Variants in FILIP1 observed in about 807,000 individuals in gnomAD.
The protein encoded by FILIP1 is filamin-A-interacting protein 1.
Under a neutral mutation model 102.1 loss-of-function variants are expected in FILIP1, and 61 were observed. The ratio of observed to expected loss-of-function variants is 0.60; its 90% CI spans 0.49 to 0.74. The LOEUF (loss-of-function observed/expected upper bound fraction) is 0.74. Ranked by LOEUF, FILIP1 falls within the 30% of genes least tolerant of loss-of-function variation. FILIP1 has a pLI of 0.00. For missense variants in FILIP1, 1,314 were observed against 1,441.2 expected, an observed-to-expected ratio of 0.91 and a Z score of 1.43; for synonymous variants, 491 against 526.9, an observed-to-expected ratio of 0.93 and a Z score of 0.93.
At chr6:75,451,286 ATGAT>A (rs1778624346) in intron 1 of FILIP1, among the ~76,000 whole-genome samples, 1 of 148,948 alleles carries the variant, frequency 6.7e-6, no homozygotes, top group African/African-American at 2.4e-5. Context: ...ATTTGAATTA[ATGAT>A]TAATACATAT....
At chr6:75,456,876 C>T (rs771475640) in intron 1 of FILIP1, among the ~76,000 whole-genome samples, 6 of 152,016 alleles carry the variant, frequency 3.9e-5, no homozygotes, top group Non-Finnish European at 8.8e-5. Flanking sequence ...TTTCTTTATC[C>T]AATATTTTCT....
intron 4 of FILIP1, among the ~76,000 whole-genome samples, chr6:75,321,397 G>T (rs1451477838): frequency 6.6e-6 from 1 of 152,164 alleles, no homozygotes; most frequent in East Asian, 1.9e-4. Flanking sequence ...CGATCATTTT[G>T]TCAGCCATCC....
At chr6:75,389,656 G>A (rs1398633914) in intron 2 of FILIP1, among the ~76,000 whole-genome samples, 1 of 152,088 alleles carries the variant, frequency 6.6e-6, no homozygotes, top group East Asian at 1.9e-4. Context: ...TAGTTTATTT[G>A]CATAGAAACA....
rs1775316020 is a variant in FILIP1, at chr6:75,365,989, A to G, written c.277-3072T>C. On this transcript the variant is annotated intron_variant, in intron 2 of 5. Transcript: ENST00000237172. ...GAAGGGTATAAAACAAAAATTGCTCAAGGATTATTCTATGACCTCTTTTTG... is the reference window on the plus strand; with the variant it reads ...GAAGGGTATAAAACAAAAATTGCTCGAGGATTATTCTATGACCTCTTTTTG... 4 of 152,340 alleles carry G rather than the reference A, an allele frequency of 2.6e-5. No individual in the cohort carries two copies. The South Asian group carries it at 8.3e-4, about 32-fold the overall frequency. 9.4% of individuals were successfully genotyped at this position (152,340 alleles called of 1,614,324 possible).
intron 1 of FILIP1, among the ~76,000 whole-genome samples, chr6:75,454,185 G>T (rs995212094): frequency 1.6e-4 from 24 of 152,150 alleles, no homozygotes; most frequent in Admixed American, 4.6e-4. Flanking sequence ...GCAGGATTAT[G>T]GTCCTTACAG....
rs148672434 is a variant in FILIP1, at chr6:75,302,531, A to G, written c.3493+6309T>C. Among the ~76,000 whole-genome samples the G allele has an allele frequency of 3.8e-4, 58 of 152,314 alleles. No individual in the cohort carries two copies. In the East Asian group the frequency reaches 6.9e-3, roughly 18 times the overall value. On this transcript the variant is annotated intron_variant, in intron 6 of 6. Coordinates refer to the FILIP1 transcript ENST00000393004. ...TCCTAGAAGAGGCAATGTTCATAAA[A>G]TAGACTTTGATCAGAGAAGGACACA...
intron 2 of FILIP1, among the ~76,000 whole-genome samples, chr6:75,372,607 GAAAGAAAGAAAGAA>G (rs1411692640): frequency 6.0e-4 from 59 of 98,862 alleles, no homozygotes; most frequent in Non-Finnish European, 8.9e-4. Context: ...ATCAAGAAAA[GAAAGAAAGAAAGAA>G]AAAGAAAGAA....
intron 6 of FILIP1, among the ~76,000 whole-genome samples, chr6:75,302,473 C>A (rs1480472479): frequency 3.9e-5 from 6 of 152,118 alleles, no homozygotes; most frequent in African/African-American, 1.2e-4. Flanking sequence ...GGCCTTTAAA[C>A]CCCAGGGTAG....
At chr6:75,435,881 T>C (rs1033385953) in intron 1 of FILIP1, among the ~76,000 whole-genome samples, 3 of 152,174 alleles carry the variant, frequency 2.0e-5, no homozygotes, top group Non-Finnish European at 2.9e-5. Flanking sequence ...GCTTATTTAA[T>C]CTGCTTGAGG....
In FILIP1 at chr6:75,493,800, T is replaced by C. The variant is rs1308161308; in HGVS notation, c.-393A>G. On this transcript the variant is annotated 5_prime_UTR_variant, in exon 1 of 6. Transcript: ENST00000237172. ...AACACTGTCAGAGCAATGGCTATGTTGAGGAGCTGAGCTCGCGGGTGCTAT... is the reference window on the plus strand; with the variant it reads ...AACACTGTCAGAGCAATGGCTATGTCGAGGAGCTGAGCTCGCGGGTGCTAT... The C allele has an allele frequency of 6.6e-6, 1 of 152,250 alleles. No homozygotes were observed. Among genetic ancestry groups the C allele is most frequent in the African/African-American group, 2.4e-5 (1 of 41,466 alleles). The allele number at this position is 152,250 out of a possible 1,614,324, so 9.4% of individuals were successfully genotyped here.
intron 4 of FILIP1, among the ~76,000 whole-genome samples, chr6:75,348,082 CACACAT>C (rs982820500): frequency 4.6e-4 from 70 of 151,832 alleles, no homozygotes; most frequent in African/African-American, 1.5e-3. Context: ...CACACACACA[CACACAT>C]ACACACACTT....
downstream of FILIP1, among the ~76,000 whole-genome samples, chr6:75,303,550 T>G (rs1772900729): frequency 2.0e-5 from 3 of 152,188 alleles, no homozygotes; most frequent in African/African-American, 7.2e-5. Flanking sequence ...AGGTTTGTTT[T>G]CTGGAAAAAC....
In FILIP1 at chr6:75,454,549, G is replaced by A. The variant is rs537289675; in HGVS notation, c.-7+38865C>T. On this transcript the variant is annotated intron_variant, in intron 1 of 5. Coordinates refer to ENST00000237172, the MANE Select transcript of FILIP1 (RefSeq NM_015687.5). ...GATTAAGGTGTGGACATCTTCAGGGGGGCTATTCTGCCAACTAAAAACAGT... is the reference window on the plus strand; with the variant it reads ...GATTAAGGTGTGGACATCTTCAGGGAGGCTATTCTGCCAACTAAAAACAGT... 9.9e-5 allele frequency among the ~76,000 whole-genome samples: 15 copies of A among 152,200 alleles called. No individual in the cohort carries two copies. In the South Asian group the frequency reaches 2.5e-3, roughly 25 times the overall value.
chr6:75,307,199 A>C (rs1773012907), downstream of FILIP1, among the ~76,000 whole-genome samples: 1 of 152,174 alleles, frequency 6.6e-6, no homozygotes, highest in Admixed American at 6.5e-5. Flanking sequence ...ATCTACATCT[A>C]CCACCACTAT....
At chr6:75,416,125 G>T (rs961663967) in intron 1 of FILIP1, among the ~76,000 whole-genome samples, 7 of 152,076 alleles carry the variant, frequency 4.6e-5, no homozygotes, top group Non-Finnish European at 8.8e-5. Context: ...TAGGGACTTT[G>T]TTATATGAAA....
chr6:75,365,543 C>T (rs542891608), intron 2 of FILIP1, among the ~76,000 whole-genome samples: 39 of 152,206 alleles, frequency 2.6e-4, no homozygotes, highest in Non-Finnish European at 4.6e-4. Flanking sequence ...CATGCCGCCT[C>T]GCCTGGCTAA....
chr6:75,318,212 T>C (rs1184306969), intron 4 of FILIP1, among the ~76,000 whole-genome samples: 1 of 149,608 alleles, frequency 6.7e-6, no homozygotes, highest in East Asian at 1.9e-4. Flanking sequence ...TCCTATAATA[T>C]CAATTATTAT....
chr6:75,334,373 G>A (rs1247238791), intron 4 of FILIP1, among the ~76,000 whole-genome samples: 5 of 152,124 alleles, frequency 3.3e-5, no homozygotes, highest in East Asian at 1.9e-4. Flanking sequence ...GAGGCATCAA[G>A]GAAAGTCACA....
chr6:75,329,052 T>A (rs927347992), intron 4 of FILIP1, among the ~76,000 whole-genome samples: 1 of 152,250 alleles, frequency 6.6e-6, no homozygotes, highest in African/African-American at 2.4e-5. Context: ...CAGTCTGTCC[T>A]ATTCCACAGA....
Sources: gnomAD v4.1 joint callset for allele counts (sites outside exome capture counted in the v4.1 genomes callset) on GRCh38, gnomAD v4.1.1 for gene constraint, MANE v1.5 for transcripts, NCBI Gene and HGNC (gene_info 2026-07-23, HGNC 2026-07-21) for gene names.